The following RFX3 variants were observed in gnomAD, a reference collection of about 807,000 sequenced individuals.
RFX3 encodes the protein regulatory factor X3.
RFX3 carries 14 observed loss-of-function variants against 98.6 expected under a neutral mutation model. The ratio of observed to expected loss-of-function variants is 0.14; its 90% CI spans 0.09 to 0.22. RFX3 has a LOEUF of 0.22. RFX3 is among the 10% of genes least tolerant of loss of function. RFX3 has a pLI of 1.00. For synonymous variants in RFX3, 383 were observed against 328.4 expected, an observed-to-expected ratio of 1.17 and a Z score of -1.80; for missense variants, 639 against 926.9, an observed-to-expected ratio of 0.69 and a Z score of 4.03.
At chr9:3,320,727 C>T (rs1291975285) in intron 4 of RFX3, among the ~76,000 whole-genome samples, 1 of 128,262 alleles carries the variant, frequency 7.8e-6, no homozygotes, top group East Asian at 2.0e-4. Context: ...TACATACACA[C>T]ACATATGTGC....
chr9:3,308,786 G>T (rs1450830998), intron 4 of RFX3, among the ~76,000 whole-genome samples: 1 of 152,130 alleles, frequency 6.6e-6, no homozygotes, highest in Non-Finnish European at 1.5e-5. Flanking sequence ...CTGTGAGTGA[G>T]TTCAATTGAG....
chr9:3,268,926 G>C (rs1000783380), intron 11 of RFX3, among the ~76,000 whole-genome samples: 17 of 151,994 alleles, frequency 1.1e-4, no homozygotes, highest in African/African-American at 3.9e-4. Context: ...TTGGTAGTAA[G>C]ATGTCATAGG....
In RFX3 at chr9:3,439,270, A is replaced by G. The variant is rs188999072; in HGVS notation, c.-8-43674T>C. Among the ~76,000 whole-genome samples the G allele has an allele frequency of 5.0e-4, 76 of 152,150 alleles. 1 individual carries two copies. The East Asian group carries it at 0.013, about 27-fold the overall frequency. ...TCTGCTTCCACCCTGAGAAATCAGT[A>G]CAAGAGTAAATCAAGCCTCAAGTAA... On this transcript the variant is annotated intron_variant, in intron 1 of 16. Coordinates refer to ENST00000617270, the MANE Select transcript of RFX3 (RefSeq NM_001282116.2).
chr9:3,453,453 C>T (rs933274303), intron 1 of RFX3: 1 of 151,780 alleles, frequency 6.6e-6, no homozygotes, highest in Admixed American at 6.6e-5. Flanking sequence ...GTAATGCTGG[C>T]AATGTCAGCA....
intron 1 of RFX3, among the ~76,000 whole-genome samples, chr9:3,447,069 C>T (rs550006540): frequency 3.3e-5 from 5 of 152,042 alleles, no homozygotes; most frequent in South Asian, 2.1e-4. Flanking sequence ...TGTCAGAATC[C>T]CTTAGTCTAT....
chr9:3,461,051 T>G (rs1275208772), intron 1 of RFX3, among the ~76,000 whole-genome samples: 1 of 151,104 alleles, frequency 6.6e-6, no homozygotes, highest in Non-Finnish European at 1.5e-5. Flanking sequence ...TGAGATTTAC[T>G]ATTTCTTATT....
intron 1 of RFX3, among the ~76,000 whole-genome samples, chr9:3,500,636 T>C (rs773467045): frequency 6.6e-6 from 1 of 152,198 alleles, no homozygotes; most frequent in African/African-American, 2.4e-5. Flanking sequence ...CTTGATTCCA[T>C]AGGGCCTAAT....
intron 5 of RFX3, among the ~76,000 whole-genome samples, chr9:3,295,540 T>G (rs904466027): frequency 1.3e-5 from 2 of 152,022 alleles, no homozygotes; most frequent in African/African-American, 4.8e-5. Context: ...AAGGCAGACA[T>G]AAAAAATGTA....
chr9:3,269,503 A>C (rs1445280873), intron 11 of RFX3, among the ~76,000 whole-genome samples: 2 of 152,140 alleles, frequency 1.3e-5, no homozygotes, highest in Admixed American at 1.3e-4. Context: ...TAACTGTCTC[A>C]TTTCTTAAAA....
chr9:3,379,930 AT>A (rs916295950), intron 2 of RFX3, among the ~76,000 whole-genome samples: 1 of 148,606 alleles, frequency 6.7e-6, no homozygotes. Context: ...ATTTACTTTA[AT>A]TTTTTTTATT....
chr9:3,319,165 A>C (rs1181777429), intron 4 of RFX3, among the ~76,000 whole-genome samples: 3 of 152,244 alleles, frequency 2.0e-5, no homozygotes, highest in African/African-American at 7.2e-5. Flanking sequence ...GTAATCACTA[A>C]AACAGGCTTT....
chr9:3,291,394 A>C (rs1202575328), intron 6 of RFX3, among the ~76,000 whole-genome samples: 2 of 3,262 alleles, frequency 6.1e-4, no homozygotes, highest in African/African-American at 1.3e-3. Context: ...AAAAACAAAA[A>C]CAAAACAAAA....
At chr9:3,400,849 A>G (rs1265545086) in intron 1 of RFX3, among the ~76,000 whole-genome samples, 2 of 152,224 alleles carry the variant, frequency 1.3e-5, no homozygotes, top group East Asian at 3.8e-4. Flanking sequence ...AAATAAAGAA[A>G]CTGAGGCACA....
At chr9:3,347,352 A>T (rs1420860798) in intron 2 of RFX3, among the ~76,000 whole-genome samples, 1 of 151,992 alleles carries the variant, frequency 6.6e-6, no homozygotes, top group East Asian at 1.9e-4. Context: ...TATTTTGGTG[A>T]CTTATGAAAT....
At chr9:3,361,434 A>C (rs1473884494) in intron 2 of RFX3, among the ~76,000 whole-genome samples, 1 of 152,114 alleles carries the variant, frequency 6.6e-6, no homozygotes, top group Non-Finnish European at 1.5e-5. Flanking sequence ...CATACGGGAA[A>C]AACTGATTTT....
Position 3,224,759 on chromosome 9 carries a change from T to A in RFX3, c.*283A>T. On this transcript the variant is annotated 3_prime_UTR_variant, in exon 17 of 17. Transcript: ENST00000617270. ...GCTACAAAAAATGTAAATTACTTTT[T>A]AATTATAAGAAAACAAAACATTGAC... 1 of 260,198 alleles carries A rather than the reference T, an allele frequency of 3.8e-6. No individual in the cohort carries two copies. The highest frequency in any genetic ancestry group is 7.3e-6 in the Non-Finnish European group (1 of 137,474). 16.1% of individuals were successfully genotyped at this position (260,198 alleles called of 1,614,324 possible).
chr9:3,329,149 G>A (rs1274728271), intron 4 of RFX3, among the ~76,000 whole-genome samples: 2 of 152,062 alleles, frequency 1.3e-5, no homozygotes, highest in Non-Finnish European at 2.9e-5. Context: ...TCACATGCCT[G>A]TAATCCCAGC....
At chr9:3,345,137 A>C (rs1315133357) in intron 3 of RFX3, among the ~76,000 whole-genome samples, 1 of 152,200 alleles carries the variant, frequency 6.6e-6, no homozygotes, top group African/African-American at 2.4e-5. Context: ...GGGAAGGATA[A>C]GCTAACTGCA....
intron 3 of RFX3, among the ~76,000 whole-genome samples, chr9:3,334,367 G>T (rs933613176): frequency 6.6e-6 from 1 of 152,186 alleles, no homozygotes; most frequent in African/African-American, 2.4e-5. Context: ...AATTTTAGAT[G>T]TTCTATGATC....
Sources: gnomAD v4.1 joint callset for allele counts (sites outside exome capture counted in the v4.1 genomes callset) on GRCh38, gnomAD v4.1.1 for gene constraint, MANE v1.5 for transcripts, NCBI Gene and HGNC (gene_info 2026-07-23, HGNC 2026-07-21) for gene names.